ESF1: variants seen among roughly 807,000 people sequenced by gnomAD.
ESF1 encodes the protein ESF1 nucleolar pre-rRNA processing protein.
A neutral mutation model predicts 92.0 loss-of-function variants in ESF1; 58 were observed. The ratio of observed to expected loss-of-function variants is 0.63; its 90% confidence interval spans 0.51 to 0.78. ESF1 has a LOEUF of 0.78. Among genes scored for constraint, ESF1 ranks in the 30% least tolerant of loss-of-function variants. ESF1 has a pLI of 0.00. For missense variants in ESF1, 922 were observed against 989.1 expected (o/e 0.93, Z 0.91); for synonymous variants, 321 against 313.7 (o/e 1.02, Z -0.24).
At chr20:13,780,114 T>C (rs757317938) in intron 2 of ESF1, among the ~76,000 whole-genome samples, 5 of 152,176 alleles carry the variant, frequency 3.3e-5, no homozygotes, top group Non-Finnish European at 4.4e-5. Context: ...TCCTAGACTG[T>C]GGAACCAACA....
chr20:13,737,711 T>G (rs969171218), intron 9 of ESF1, among the ~76,000 whole-genome samples: 5 of 152,136 alleles, frequency 3.3e-5, no homozygotes, highest in African/African-American at 1.2e-4. Context: ...TGGAGTGCAA[T>G]GGTGCAATCT....
chr20:13,771,273 A>C, intron 6 of ESF1, 58 bp downstream of exon 6: 1 of 1,487,226 alleles, frequency 6.7e-7, no homozygotes, highest in Non-Finnish European at 9.3e-7. Flanking sequence ...CAAATATTTT[A>C]CTTCTTATAA....
chr20:13,735,123 T>C (rs564148126), intron 9 of ESF1, among the ~76,000 whole-genome samples: 7 of 152,174 alleles, frequency 4.6e-5, no homozygotes, highest in African/African-American at 1.4e-4. Context: ...GTGCACTGAT[T>C]TCCCCCCCTC....
At chr20:13,721,199 G>C (rs1341502063) in intron 11 of ESF1, among the ~76,000 whole-genome samples, 2 of 152,154 alleles carry the variant, frequency 1.3e-5, no homozygotes, top group African/African-American at 4.8e-5. Context: ...TCATGTAAAT[G>C]AAAATATTAA....
intron 9 of ESF1, among the ~76,000 whole-genome samples, chr20:13,738,047 A>G (rs578193856): frequency 3.3e-5 from 5 of 152,290 alleles, no homozygotes; most frequent in East Asian, 3.9e-4. Flanking sequence ...CTCCACCCCA[A>G]TGGTGTAGGG....
intron 11 of ESF1, among the ~76,000 whole-genome samples, chr20:13,725,854 T>C (rs1419635832): frequency 6.6e-6 from 1 of 152,246 alleles, no homozygotes; most frequent in Non-Finnish European, 1.5e-5. Context: ...TCCATTTGTA[T>C]ATCTAATTGA....
chr20:13,766,597 A>C (rs778981746), intron 8 of ESF1, among the ~76,000 whole-genome samples, 180 bp downstream of exon 8: 19 of 152,224 alleles, frequency 1.2e-4, no homozygotes, highest in Non-Finnish European at 2.4e-4. Context: ...TTTTAAACAA[A>C]ATATTTATAG....
intron 9 of ESF1, among the ~76,000 whole-genome samples, chr20:13,748,523 T>TACAC (rs1978407146): frequency 1.7e-5 from 2 of 116,590 alleles, no homozygotes; most frequent in African/African-American, 6.0e-5. Flanking sequence ...TATACACATA[T>TACAC]ATATATACAC....
chr20:13,748,566 GTGTGTGTGTATA>G (rs1479933165), intron 9 of ESF1, among the ~76,000 whole-genome samples: 49 of 43,262 alleles, frequency 1.1e-3, no homozygotes, highest in African/African-American at 8.3e-3. Flanking sequence ...ATATATATAT[GTGTGTGTGTATA>G]TATATATATA....
chr20:13,776,315 T>C (rs748737783), intron 2 of ESF1, 45 bp from the exon 3 acceptor site: 5 of 1,505,516 alleles, frequency 3.3e-6, no homozygotes, highest in Non-Finnish European at 4.4e-6. Flanking sequence ...AGATATATGC[T>C]GAATTAAACT....
chr20:13,750,651 A>G (rs1978590587), intron 9 of ESF1, among the ~76,000 whole-genome samples: 1 of 152,230 alleles, frequency 6.6e-6, no homozygotes, highest in South Asian at 2.1e-4. Flanking sequence ...CTAAACAATA[A>G]AAAGTTCTCC....
Position 13,776,044 on chromosome 20 carries a change from C to G in ESF1, c.864G>C (p.Glu288Asp). 2 of 1,613,830 alleles carry G rather than the reference C, an allele frequency of 1.2e-6. No homozygotes were observed. The highest frequency in any genetic ancestry group is 1.3e-5 in the African/African-American group (1 of 75,006). The change falls in exon 3 of 14, where the codon GAG becomes GAC. Residue 288 changes from glutamate (E) to aspartate (D), a missense_variant. Physicochemically the swap from Glu to Asp is conservative, Grantham distance 45. Coordinates refer to ENST00000617257, the MANE Select transcript of ESF1 (RefSeq NM_001276380.2). ...EDEDEEEDED[E>D]DSEDDDKSDS... is the part of the protein sequence containing the mutation. ...CACTTTTATCATCATCCTCACTATC[C>G]TCATCTTCATCCTCCTCTTCATCTT...
chr20:13,751,329 T>C (rs1163292861), intron 9 of ESF1, among the ~76,000 whole-genome samples: 1 of 152,230 alleles, frequency 6.6e-6, no homozygotes, highest in African/African-American at 2.4e-5. Flanking sequence ...CAAATCAGCA[T>C]AGCTGTGGGC....
In ESF1 at chr20:13,744,181, T is replaced by A. The variant is rs74856585; in HGVS notation, c.1829-10339A>T. On this transcript the variant is annotated intron_variant, in intron 9 of 13. Coordinates refer to ENST00000617257, the MANE Select transcript of ESF1 (RefSeq NM_001276380.2). ...TTACTCCAATTATGTACACCAGAGA[T>A]ACTTAAAAATAAAGAGGTTAAGTTT... Among the ~76,000 whole-genome samples the A allele has an allele frequency of 2.0e-5, 3 of 152,326 alleles. No homozygotes were observed. In the East Asian group the frequency reaches 5.8e-4, roughly 29 times the overall value.
chr20:13,748,574 G>GTA (rs1433666503), intron 9 of ESF1, among the ~76,000 whole-genome samples: 3 of 28,922 alleles, frequency 1.0e-4, no homozygotes, highest in African/African-American at 4.0e-4. Context: ...ATGTGTGTGT[G>GTA]TATATATATA....
At chr20:13,756,651 G>A (rs1978910313) in intron 9 of ESF1, among the ~76,000 whole-genome samples, 1 of 152,178 alleles carries the variant, frequency 6.6e-6, no homozygotes, top group South Asian at 2.1e-4. Context: ...AACATTTGAG[G>A]TTTTGACACT....
In ESF1 at chr20:13,782,675, T is replaced by C. The variant is rs777523930; in HGVS notation, c.466A>G (p.Lys156Glu). The C allele has an allele frequency of 6.2e-7, 1 of 1,600,468 alleles. No individual in the cohort carries two copies. Among genetic ancestry groups the C allele is most frequent in the Non-Finnish European group, 8.5e-7 (1 of 1,175,950 alleles). ...FKIDSNISPK[K>E]DSKEFTQKNK... The stretch of plus-strand genomic sequence containing the variant: ...TTTTGTGTAAATTCTTTGCTATCCT[T>C]CTTCGGACTTATGTTTGAATCTATC... Residue 156 changes from lysine (K) to glutamate (E), a missense_variant, in exon 2 of 14, where the codon AAG becomes GAG. Physicochemically the swap from Lys to Glu is moderately conservative, Grantham distance 56. Coordinates refer to ENST00000617257, the MANE Select transcript of ESF1 (RefSeq NM_001276380.2).
chr20:13,760,389 G>A (rs1203607760), intron 8 of ESF1, among the ~76,000 whole-genome samples: 4 of 150,928 alleles, frequency 2.7e-5, no homozygotes, highest in Admixed American at 1.3e-4. Context: ...GAGATGTGGG[G>A]AGCGCCTCTG....
rs773662570 is a variant in ESF1 at position 13,759,847 on chromosome 20, T to C, written c.1673A>G (p.Asp558Gly). Reference protein sequence around the residue: ...EEIEEELQGDDGVNVEEDGKT... With the variant: ...EEIEEELQGDGGVNVEEDGKT... ...CCCATCTTCTTCTACATTGACTCCATCATCACCTAATGAAAAAAAAATTCA... is the reference window on the plus strand; with the variant it reads ...CCCATCTTCTTCTACATTGACTCCACCATCACCTAATGAAAAAAAAATTCA... The change falls in exon 9 of 14, where the codon GAT (aspartate) becomes GGT (glycine). Residue 558 changes from aspartate (D) to glycine (G), a missense_variant. Transcript: ENST00000617257. 1 of 1,588,520 alleles carries C rather than the reference T, an allele frequency of 6.3e-7. No individual in the cohort carries two copies. Among genetic ancestry groups the C allele is most frequent in the South Asian group, 1.2e-5 (1 of 86,740 alleles).
Sources: allele counts gnomAD v4.1 joint callset (sites outside exome capture counted in the v4.1 genomes callset), GRCh38; gene constraint gnomAD v4.1.1; transcripts MANE v1.5; gene names NCBI Gene and HGNC (gene_info 2026-07-23, HGNC 2026-07-21).